The following NCOR2 variants were observed in gnomAD, a reference collection of about 807,000 sequenced individuals.
The protein encoded by NCOR2 is nuclear receptor corepressor 2.
Under a neutral mutation model 262.9 loss-of-function variants are expected in NCOR2, and 81 were observed. That is an observed-to-expected ratio of 0.31 (90% CI 0.26 to 0.37). The LOEUF (loss-of-function observed/expected upper bound fraction) is 0.37. Ranked by LOEUF, NCOR2 falls within the 10% of genes least tolerant of loss-of-function variation. NCOR2 has a pLI of 1.00. For missense variants in NCOR2, 3,385 were observed against 3,621.4 expected (o/e 0.93, Z 1.68); for synonymous variants, 1,659 against 1,559.3 (o/e 1.06, Z -1.51).
At chr12:124,461,495 C>T (rs914836185) in intron 5 of NCOR2, among the ~76,000 whole-genome samples, 3 of 152,268 alleles carry the variant, frequency 2.0e-5, no homozygotes, top group Admixed American at 1.3e-4. Flanking sequence ...AGGAGCTGTG[C>T]TGGGGCACAC....
At chr12:124,426,991 G>T (rs1170426093) in intron 10 of NCOR2, among the ~76,000 whole-genome samples, 191 bp from the exon 13 acceptor site, 2 of 152,216 alleles carry the variant, frequency 1.3e-5, no homozygotes, top group African/African-American at 4.8e-5. Context: ...GAATGTAAAG[G>T]CCTCCCCGAC....
intron 4 of NCOR2, among the ~76,000 whole-genome samples, chr12:124,466,937 GCTC>G (rs1309287803): frequency 2.0e-5 from 3 of 151,880 alleles, no homozygotes; most frequent in South Asian, 2.1e-4. Context: ...ACACACAGGT[GCTC>G]CTCATCAACC....
At chr12:124,361,239 T>C (rs1339889773) in intron 22 of NCOR2, among the ~76,000 whole-genome samples, 1 of 148,780 alleles carries the variant, frequency 6.7e-6, no homozygotes, top group Non-Finnish European at 1.5e-5. Context: ...GGTCAGGAGG[T>C]CGGCCTGGTG....
At chr12:124,458,331 T>TGGC (rs1405478247) in intron 5 of NCOR2, among the ~76,000 whole-genome samples, 1 of 151,942 alleles carries the variant, frequency 6.6e-6, no homozygotes, top group African/African-American at 2.4e-5. Context: ...GAGGAGGGCG[T>TGGC]GGCAGGCCAG....
At chr12:124,384,942 C>T (rs907493184) in intron 17 of NCOR2, among the ~76,000 whole-genome samples, 14 of 151,910 alleles carry the variant, frequency 9.2e-5, no homozygotes, top group African/African-American at 1.7e-4. Context: ...GGGTGCATAT[C>T]GCAATTCAGT....
intron 10 of NCOR2, among the ~76,000 whole-genome samples, chr12:124,428,793 G>C (rs527583326): frequency 6.6e-6 from 1 of 152,342 alleles, no homozygotes; most frequent in Non-Finnish European, 1.5e-5. Flanking sequence ...GAGCTAAAGG[G>C]CTATAATCTC....
Position 124,335,497 on chromosome 12 carries a change from C to T in NCOR2, c.6251G>A (p.Arg2084Gln), listed in dbSNP as rs201766557. Residue 2084 changes from arginine to glutamine, a missense_variant, in exon 39 of 47, where the codon CGG becomes CAG. Physicochemically the swap from Arg to Gln is conservative, Grantham distance 43. This residue lies in a region of NCOR2 where 1,017 missense variants were observed against 967.2 expected (regional missense o/e 1.05). Transcript: ENST00000405201. ...GTGGGGCGTACCTGGCTGCTTGGGC[C>T]GCAGCTCCCCCTCCAGGTGGCTCTT... is the stretch of plus-strand genomic sequence containing the variant. 463 of 1,606,550 alleles carry T rather than the reference C, an allele frequency of 2.9e-4. 1 individual carries two copies. In the African/African-American group the frequency reaches 5.6e-3, roughly 19 times the overall value.
intron 1 of NCOR2, among the ~76,000 whole-genome samples, chr12:124,501,998 C>T (rs758158656): frequency 1.1e-4 from 16 of 152,212 alleles, no homozygotes; most frequent in Non-Finnish European, 1.9e-4. Flanking sequence ...CTCCACGGGT[C>T]GAGCTGTTGA....
chr12:124,469,670 T>A (rs2046726118), intron 4 of NCOR2, among the ~76,000 whole-genome samples: 1 of 152,136 alleles, frequency 6.6e-6, no homozygotes. Context: ...CTGACCTCAG[T>A]GTCTACTTCA....
intron 17 of NCOR2, among the ~76,000 whole-genome samples, chr12:124,380,962 A>T (rs746652876): frequency 6.6e-6 from 1 of 152,146 alleles, no homozygotes; most frequent in African/African-American, 2.4e-5. Flanking sequence ...GGCATTAATC[A>T]TTATGCCTGA....
At chr12:124,408,806 G>A (rs1479729950) in intron 13 of NCOR2, among the ~76,000 whole-genome samples, 1 of 152,120 alleles carries the variant, frequency 6.6e-6, no homozygotes, top group Admixed American at 6.5e-5. Flanking sequence ...GCACTCCAAG[G>A]GCATTGCTTC....
intron 17 of NCOR2, among the ~76,000 whole-genome samples, chr12:124,380,638 G>C (rs571577406): frequency 6.6e-6 from 1 of 152,306 alleles, no homozygotes; most frequent in Middle Eastern, 3.4e-3. Context: ...GCAGACAGAG[G>C]CTCAGGAAAG....
chr12:124,348,396 T>C (rs915229064), intron 28 of NCOR2, 82 bp from the exon 31 acceptor site: 1 of 1,500,912 alleles, frequency 6.7e-7, no homozygotes, highest in Non-Finnish European at 8.9e-7. Flanking sequence ...GCAGAGCCGG[T>C]AGGCAGGAGC....
At chr12:124,334,492 G>A (rs532438902) in exon 41 of NCOR2, 78 of 1,454,230 alleles carry the variant, frequency 5.4e-5, no homozygotes, top group Non-Finnish European at 6.9e-5. Flanking sequence ...GGAGGTAGAG[G>A]TCACTGGGTG....
chr12:124,355,446 C>T, exon 24 of NCOR2: 5 of 1,613,524 alleles, frequency 3.1e-6, no homozygotes, highest in Non-Finnish European at 4.2e-6. Flanking sequence ...GAGATGGCAC[C>T]TATTTGCCTC....
chr12:124,460,260 TG>T (rs1306977020), intron 5 of NCOR2, among the ~76,000 whole-genome samples: 2 of 152,232 alleles, frequency 1.3e-5, no homozygotes, highest in Non-Finnish European at 2.9e-5. Context: ...TGCTCAGGAA[TG>T]GTCTAAATAC....
intron 27 of NCOR2, among the ~76,000 whole-genome samples, chr12:124,352,046 C>G (rs535538887): frequency 2.6e-5 from 4 of 152,258 alleles, no homozygotes; most frequent in South Asian, 2.1e-4. Flanking sequence ...TGAGCTCCCC[C>G]CAAACTTCCC....
At position 124,566,245 on chromosome 12, in the gene NCOR2, C is replaced by T. The variant is rs1161642873; in HGVS notation, c.-165+1063G>A. 2.0e-5 allele frequency among the ~76,000 whole-genome samples: 3 copies of T among 152,226 alleles called. No homozygotes were observed. Among genetic ancestry groups the T allele is most frequent in the African/African-American group, 7.2e-5 (3 of 41,466 alleles). On this transcript the variant is annotated intron_variant, in intron 1 of 32. Transcript: ENST00000458234. The surrounding 1 kb of genome is among the most constrained non-coding windows in gnomAD (Gnocchi z 4.3). ...GGAGGAGGGGGAGGAAGGGAGGAGG[C>T]TGAGCCGACAGAACAGATCCGCCCC...
chr12:124,396,805 GA>G (rs1656507362), intron 16 of NCOR2, among the ~76,000 whole-genome samples: 1 of 152,162 alleles, frequency 6.6e-6, no homozygotes, highest in Non-Finnish European at 1.5e-5. Flanking sequence ...TACAGTGGAG[GA>G]CGGGGCCGGG....
Sources: gnomAD v4.1 joint callset for allele counts (sites outside exome capture counted in the v4.1 genomes callset) on GRCh38, gnomAD v4.1.1 for gene constraint, gnomAD v4.1.1 regional missense constraint, Gnocchi (gnomAD v3.1) non-coding constraint, MANE v1.5 for transcripts, NCBI Gene and HGNC (gene_info 2026-07-23, HGNC 2026-07-21) for gene names.